MYBL2: variants seen among roughly 807,000 people sequenced by gnomAD.
The protein encoded by MYBL2 is myb-related protein B.
A neutral mutation model predicts 79.9 loss-of-function variants in MYBL2; 28 were observed. That is an observed-to-expected ratio of 0.35 (90% CI 0.26 to 0.48). The LOEUF (loss-of-function observed/expected upper bound fraction) is 0.48. MYBL2 is among the 20% of genes least tolerant of loss of function. The pLI is 0.99. For missense variants in MYBL2, 735 were observed against 893.9 expected, an observed-to-expected ratio of 0.82 and a Z score of 2.27; for synonymous variants, 378 against 361.2, an observed-to-expected ratio of 1.05 and a Z score of -0.53.
intron 1 of MYBL2, among the ~76,000 whole-genome samples, chr20:43,670,256 G>C (rs1404444237): frequency 6.6e-6 from 1 of 152,162 alleles, no homozygotes; most frequent in Non-Finnish European, 1.5e-5. Context: ...TTTCTGTCAC[G>C]AGCTGTCTGG....
intron 10 of MYBL2, 141 bp downstream of exon 10, chr20:43,710,203 A>G: frequency 1.5e-6 from 1 of 687,110 alleles, no homozygotes; most frequent in Non-Finnish European, 2.2e-6. Flanking sequence ...TCCTGATAAT[A>G]TAAATGGGGA....
chr20:43,683,024 C>A, intron 4 of MYBL2, 138 bp downstream of exon 4: 1 of 761,016 alleles, frequency 1.3e-6, no homozygotes, highest in Non-Finnish European at 2.3e-6. Flanking sequence ...CCAGTCTGGA[C>A]ACTCTTATGC....
Position 43,702,095 on chromosome 20 carries a change from A to G in MYBL2, c.952-395A>G, listed in dbSNP as rs561901215. Among the ~76,000 whole-genome samples the G allele has an allele frequency of 7.9e-5, 12 of 152,208 alleles. No homozygotes were observed. The South Asian group carries it at 2.5e-3, about 32-fold the overall frequency. On this transcript the variant is annotated intron_variant, in intron 7 of 13. Coordinates refer to ENST00000217026, the MANE Select transcript of MYBL2 (RefSeq NM_002466.4). Reference sequence around the variant, plus strand: ...TGAGCCGAGGTTGCACCACTGCACTACAGCCTGGGCGACAGAGCAAGTCTC... The same window carrying G: ...TGAGCCGAGGTTGCACCACTGCACTGCAGCCTGGGCGACAGAGCAAGTCTC...
chr20:43,686,783 A>G lies in MYBL2; in HGVS notation c.280-69A>G, dbSNP rs894813029. ...CAGGGCCATGGCAAGGCTCAGGTGG[A>G]TGTGAAGGGCTATGGTGGGGGCGAG... On this transcript the variant is annotated intron_variant, in intron 4 of 13. Coordinates refer to ENST00000217026, the MANE Select transcript of MYBL2 (RefSeq NM_002466.4). 3.7e-5 allele frequency: 54 copies of G among 1,473,028 alleles called. No individual in the cohort carries two copies. The Middle Eastern group carries it at 6.1e-4, about 17-fold the overall frequency. The allele number at this position is 1,473,028 out of a possible 1,614,324, so 91.2% of individuals were successfully genotyped here.
intron 5 of MYBL2, among the ~76,000 whole-genome samples, chr20:43,691,065 A>C (rs1055525337): frequency 1.4e-4 from 22 of 152,212 alleles, no homozygotes; most frequent in African/African-American, 5.3e-4. Context: ...AGTATGACGT[A>C]GTCTTCTGAC....
chr20:43,708,132 G>C (rs1315682223), intron 9 of MYBL2, among the ~76,000 whole-genome samples: 1 of 152,082 alleles, frequency 6.6e-6, no homozygotes, highest in Non-Finnish European at 1.5e-5. Context: ...AGACAGTCTT[G>C]CTCTGTCCCC....
chr20:43,711,467 C>T lies in MYBL2; in HGVS notation c.1606-21C>T. On this transcript the variant is annotated intron_variant, in intron 10 of 13. Transcript: ENST00000217026. ...GCCCGAGTGTGGTGCCTCACGTGGG[C>T]TGCCCCGTGCCTACCCACAGCCACA... 2.5e-6 allele frequency: 4 copies of T among 1,592,438 alleles called. No individual in the cohort carries two copies. In the South Asian group the frequency reaches 4.5e-5, roughly 18 times the overall value.
chr20:43,673,623 G>GT, intron 1 of MYBL2, 183 bp from the exon 2 acceptor site: 1 of 691,216 alleles, frequency 1.4e-6, no homozygotes, highest in Non-Finnish European at 2.7e-6. Flanking sequence ...CAGTGACAGA[G>GT]TGAGACCCTG....
Position 43,699,846 on chromosome 20 carries a change from G to A in MYBL2, c.753G>A (p.Ser251=), listed in dbSNP as rs144342758. The part of the protein sequence containing the change: ...SEEELAAATT[S]KEQEPIGTDL... ...AGGAACTTGCAGCAGCCACCACATC[G>A]AAGGAACAGGAGCCCATCGGTACAG... The change falls in exon 7 of 14, where the codon TCG becomes TCA. Residue 251 remains serine, a synonymous_variant. Coordinates refer to ENST00000217026, the MANE Select transcript of MYBL2 (RefSeq NM_002466.4). The A allele has an allele frequency of 5.6e-6, 9 of 1,613,996 alleles. No individual in the cohort carries two copies. In the Admixed American group the frequency reaches 6.7e-5, roughly 12 times the overall value.
At chr20:43,688,588 T>C (rs980670170) in intron 5 of MYBL2, among the ~76,000 whole-genome samples, 4 of 152,092 alleles carry the variant, frequency 2.6e-5, no homozygotes, top group African/African-American at 9.7e-5. Context: ...ACTCAAGCAA[T>C]CCTTCTGCCT....
At chr20:43,675,338 G>A (rs111609307) in intron 2 of MYBL2, among the ~76,000 whole-genome samples, 2,403 of 148,564 alleles carry the variant, frequency 0.016, 65 homozygotes, top group African/African-American at 0.057. Flanking sequence ...TTTTTTTTGA[G>A]ATGGAGTCTC....
At chr20:43,675,322 C>CTT (rs35340291) in intron 2 of MYBL2, among the ~76,000 whole-genome samples, 6 of 142,866 alleles carry the variant, frequency 4.2e-5, no homozygotes, top group African/African-American at 1.0e-4. Flanking sequence ...AGTTTTTTTT[C>CTT]TTTTTTTTTT....
intron 2 of MYBL2, among the ~76,000 whole-genome samples, chr20:43,681,410 C>T (rs899773596): frequency 6.6e-6 from 1 of 152,208 alleles, no homozygotes; most frequent in Non-Finnish European, 1.5e-5. Context: ...TGGTCTGGCC[C>T]CTATGGTTCC....
intron 12 of MYBL2, 54 bp from the exon 13 acceptor site, chr20:43,715,080 C>G (rs1022778757): frequency 6.3e-7 from 1 of 1,598,988 alleles, no homozygotes; most frequent in Admixed American, 1.7e-5. Flanking sequence ...TTTTTTTCTT[C>G]CCTCTCACAG....
intron 1 of MYBL2, among the ~76,000 whole-genome samples, chr20:43,673,354 A>C (rs1187591929): frequency 6.6e-6 from 1 of 151,166 alleles, no homozygotes; most frequent in East Asian, 2.0e-4. Context: ...AAAAGAGGTG[A>C]GGTCGGGTGT....
intron 13 of MYBL2, 118 bp downstream of exon 13, chr20:43,715,401 A>C: frequency 6.7e-7 from 1 of 1,503,312 alleles, no homozygotes; most frequent in South Asian, 1.3e-5. Flanking sequence ...GGGCCTTTGC[A>C]TAGGCTGTTC....
In MYBL2 at chr20:43,670,016, A is replaced by G. The variant is rs530671021; in HGVS notation, c.20+2713A>G. 3.3e-5 allele frequency among the ~76,000 whole-genome samples: 5 copies of G among 152,318 alleles called. No individual in the cohort carries two copies. In the South Asian group the frequency reaches 6.2e-4, roughly 19 times the overall value. ...CTATTCGGGAGGCTGAGGCAGGAGA[A>G]TTCACTTGAACCCAGGAGGCAGAGG... On this transcript the variant is annotated intron_variant, in intron 1 of 13. Transcript: ENST00000217026.
chr20:43,697,456 A>G (rs1348861679), intron 6 of MYBL2, among the ~76,000 whole-genome samples: 2 of 151,928 alleles, frequency 1.3e-5, no homozygotes, highest in Non-Finnish European at 2.9e-5. Context: ...CTAAAAATAT[A>G]AAAAATTAAC....
rs1987799848 is a variant in MYBL2, at chr20:43,706,914, C to T, written c.1505+1556C>T. 4.6e-5 allele frequency among the ~76,000 whole-genome samples: 7 copies of T among 151,292 alleles called. No individual in the cohort carries two copies. The South Asian group carries it at 1.5e-3, about 32-fold the overall frequency. ...TATTTTTAGTAGAAACGAGGTTTCA[C>T]CGTGTTGGTCAGGCTGGTCTCAAAC... On this transcript the variant is annotated intron_variant, in intron 9 of 13. Coordinates refer to ENST00000217026, the MANE Select transcript of MYBL2 (RefSeq NM_002466.4).
Sources: gnomAD v4.1 joint callset for allele counts (sites outside exome capture counted in the v4.1 genomes callset) on GRCh38, gnomAD v4.1.1 for gene constraint, MANE v1.5 for transcripts, NCBI Gene and HGNC (gene_info 2026-07-23, HGNC 2026-07-21) for gene names.